ROCK1: variants seen among roughly 807,000 people sequenced by gnomAD.
The protein encoded by ROCK1 is rho-associated protein kinase 1.
Under a neutral mutation model 196.8 loss-of-function variants are expected in ROCK1, and 36 were observed. The observed-to-expected ratio is 0.18, with a 90% CI of 0.14 to 0.24. The LOEUF (loss-of-function observed/expected upper bound fraction) is 0.24, where lower values mean the gene tolerates loss of function less well. Ranked by LOEUF, ROCK1 falls within the 10% of genes least tolerant of loss-of-function variation. The pLI, the probability that ROCK1 is intolerant of heterozygous loss-of-function variation, is 1.00. For synonymous variants in ROCK1, 443 were observed against 515.9 expected (o/e 0.86, Z 1.91); for missense variants, 920 against 1,562.0 (o/e 0.59, Z 6.93).
At chr18:21,034,186 G>A (rs1406963859) in intron 9 of ROCK1, among the ~76,000 whole-genome samples, 2 of 152,050 alleles carry the variant, frequency 1.3e-5, no homozygotes, top group Non-Finnish European at 2.9e-5. Flanking sequence ...TGTGTTCATG[G>A]ACTGGAAAAG....
At chr18:21,037,523 G>A (rs571798088) in intron 9 of ROCK1, among the ~76,000 whole-genome samples, 101 of 152,076 alleles carry the variant, frequency 6.6e-4, no homozygotes, top group Non-Finnish European at 1.3e-3. Context: ...GGGAAGTAAA[G>A]AAGGGGTAGG....
chr18:20,962,382 G>A (rs1346919386), intron 27 of ROCK1, among the ~76,000 whole-genome samples: 3 of 152,112 alleles, frequency 2.0e-5, no homozygotes, highest in Non-Finnish European at 4.4e-5. Context: ...ATACAAAGTT[G>A]TTTAGTATTA....
intron 1 of ROCK1, among the ~76,000 whole-genome samples, chr18:21,091,802 T>C (rs1238898228): frequency 6.6e-6 from 1 of 152,004 alleles, no homozygotes; most frequent in Non-Finnish European, 1.5e-5. Flanking sequence ...GAAACCCGTC[T>C]CTACTACAAA....
At chr18:21,091,464 G>A (rs1345906313) in intron 1 of ROCK1, among the ~76,000 whole-genome samples, 1 of 152,066 alleles carries the variant, frequency 6.6e-6, no homozygotes, top group Non-Finnish European at 1.5e-5. Context: ...TGAGCTAGGT[G>A]TGGTGGCACG....
intron 24 of ROCK1, 122 bp downstream of exon 24, chr18:20,968,993 C>A: frequency 2.3e-6 from 2 of 882,108 alleles, no homozygotes; most frequent in South Asian, 1.6e-5. Context: ...TAAGATAATT[C>A]TTAAGGCTAC....
intron 1 of ROCK1, among the ~76,000 whole-genome samples, chr18:21,086,103 T>C (rs1459445241): frequency 1.7e-5 from 2 of 120,616 alleles, no homozygotes; most frequent in Non-Finnish European, 1.6e-5. Context: ...AGTAGTAGTA[T>C]GGAAATAATT....
At chr18:20,980,276 T>C (rs1458888678) in intron 21 of ROCK1, among the ~76,000 whole-genome samples, 1 of 152,072 alleles carries the variant, frequency 6.6e-6, no homozygotes, top group Admixed American at 6.5e-5. Flanking sequence ...GGTTAATTCA[T>C]ATTACTCAGC....
chr18:20,959,233 C>G (rs1261992387), intron 29 of ROCK1, among the ~76,000 whole-genome samples: 1 of 88,996 alleles, frequency 1.1e-5, no homozygotes, highest in Non-Finnish European at 2.1e-5. Context: ...TTTTTTGAGA[C>G]AGAGTTTCGC....
chr18:20,995,104 C>T (rs1448840685), intron 16 of ROCK1, among the ~76,000 whole-genome samples: 2 of 152,110 alleles, frequency 1.3e-5, no homozygotes, highest in East Asian at 3.9e-4. Flanking sequence ...ATGTTCCCAC[C>T]ATGCAGTAGA....
At chr18:20,971,305 T>TACACACACACACACACACAC (rs374530206) in intron 22 of ROCK1, among the ~76,000 whole-genome samples, 6 of 136,750 alleles carry the variant, frequency 4.4e-5, no homozygotes, top group Admixed American at 3.0e-4. Context: ...ATAGTAAACA[T>TACACACACACACACACACAC]ACACACACAC....
chr18:21,090,647 T>C (rs1030473334), intron 1 of ROCK1, among the ~76,000 whole-genome samples: 8 of 152,248 alleles, frequency 5.3e-5, no homozygotes, highest in East Asian at 1.9e-4. Flanking sequence ...TTATCAATTA[T>C]ATCCTATTCC....
At chr18:20,982,180 G>C (rs1306288521) in intron 21 of ROCK1, among the ~76,000 whole-genome samples, 2 of 152,224 alleles carry the variant, frequency 1.3e-5, no homozygotes, top group African/African-American at 4.8e-5. Context: ...CGATCACTTT[G>C]CAGAAGTTAG....
intron 18 of ROCK1, among the ~76,000 whole-genome samples, chr18:20,987,752 T>C (rs2035589644): frequency 6.6e-6 from 1 of 152,242 alleles, no homozygotes; most frequent in Non-Finnish European, 1.5e-5. Context: ...GACCACCCTC[T>C]AGGTGACAAA....
chr18:21,070,758 A>G, intron 1 of ROCK1, 145 bp from the exon 2 acceptor site: 1 of 475,034 alleles, frequency 2.1e-6, no homozygotes. Flanking sequence ...AGGTTAGATG[A>G]GTACTGGGAG....
intron 1 of ROCK1, among the ~76,000 whole-genome samples, chr18:21,071,167 T>C (rs903195246): frequency 6.8e-6 from 1 of 147,296 alleles, no homozygotes; most frequent in Non-Finnish European, 1.5e-5. Flanking sequence ...ACCTGAGCTT[T>C]TGCATTTTTT....
chr18:21,085,343 C>CAAAA lies in ROCK1; in HGVS notation c.94-14734_94-14731dup, dbSNP rs369750551. 2.3e-4 allele frequency among the ~76,000 whole-genome samples: 18 copies of CAAAA among 78,022 alleles called. 2 individuals are homozygous for CAAAA. Among genetic ancestry groups the CAAAA allele is most frequent in the East Asian group, 1.3e-3 (3 of 2,284 alleles). The allele number at this position is 78,022 out of a possible 152,430, so 51.2% of individuals were successfully genotyped here. On this transcript the variant is annotated intron_variant, in intron 1 of 32. Transcript: ENST00000399799. ...CAGAGCAGCTTGGACAACCCCATTT[C>CAAAA]AAAAAAAAAAAAAAGGCAAATTTCA...
chr18:21,107,461 A>C (rs2036712451), intron 1 of ROCK1, among the ~76,000 whole-genome samples: 1 of 152,248 alleles, frequency 6.6e-6, no homozygotes, highest in African/African-American at 2.4e-5. Context: ...CACGTGGCAC[A>C]TAATACACAC....
At chr18:21,054,160 T>G (rs2036227946) in intron 2 of ROCK1, among the ~76,000 whole-genome samples, 1 of 152,146 alleles carries the variant, frequency 6.6e-6, no homozygotes, top group Non-Finnish European at 1.5e-5. Context: ...TTCCTATTAT[T>G]TCACATTCAT....
intron 8 of ROCK1, among the ~76,000 whole-genome samples, chr18:21,041,605 T>C (rs2036107615): frequency 2.0e-5 from 3 of 152,098 alleles, no homozygotes; most frequent in African/African-American, 7.2e-5. Flanking sequence ...AAAGATAGTA[T>C]ACTTTTAAAA....
Sources: allele counts gnomAD v4.1 joint callset (sites outside exome capture counted in the v4.1 genomes callset), GRCh38; gene constraint gnomAD v4.1.1; transcripts MANE v1.5; gene names NCBI Gene and HGNC (gene_info 2026-07-23, HGNC 2026-07-21).